NBAS: variants seen among roughly 807,000 people sequenced by gnomAD.
NBAS encodes NAG/BC035112 fusion.
A neutral mutation model predicts 302.5 loss-of-function variants in NBAS; 219 were observed. The observed-to-expected ratio is 0.72, with a 90% CI of 0.65 to 0.81. The LOEUF (loss-of-function observed/expected upper bound fraction) is 0.81, where lower values mean the gene tolerates loss of function less well. NBAS is among the 30% of genes least tolerant of loss of function. The pLI is 0.00. For missense variants in NBAS, 2,932 were observed against 2,841.6 expected, an observed-to-expected ratio of 1.03 and a Z score of -0.72; for synonymous variants, 1,118 against 1,021.6, an observed-to-expected ratio of 1.09 and a Z score of -1.80.
chr2:15,082,597 T>C, the NBAS span, among the ~76,000 whole-genome samples: 1 of 152,122 alleles, frequency 6.6e-6, no homozygotes, highest in Non-Finnish European at 1.5e-5. Flanking sequence ...GCTCCCTCCT[T>C]TACCAGATTC....
the NBAS span, among the ~76,000 whole-genome samples, chr2:14,867,463 A>C: frequency 1.3e-5 from 2 of 152,198 alleles, no homozygotes. Flanking sequence ...AGACCCAGGC[A>C]AGGGCAAACA....
At chr2:15,171,721 A>G (rs1412859062) in intron 51 of NBAS, among the ~76,000 whole-genome samples, 7 of 152,140 alleles carry the variant, frequency 4.6e-5, no homozygotes, top group Non-Finnish European at 2.9e-5. Flanking sequence ...GACTTTATTT[A>G]CAGACAGGGA....
chr2:15,526,806 G>A (rs1053662726), intron 9 of NBAS, among the ~76,000 whole-genome samples: 1 of 151,964 alleles, frequency 6.6e-6, no homozygotes, highest in Non-Finnish European at 1.5e-5. Context: ...AATGGAGACT[G>A]CCCCTCAAAA....
chr2:15,160,155 A>G, the NBAS span, among the ~76,000 whole-genome samples: 1 of 152,148 alleles, frequency 6.6e-6, no homozygotes, highest in African/African-American at 2.4e-5. Context: ...GTTCTGCTTT[A>G]AAAAGATGGC....
At chr2:14,791,438 G>A in the NBAS span, among the ~76,000 whole-genome samples, 53 of 152,280 alleles carry the variant, frequency 3.5e-4, no homozygotes, top group African/African-American at 1.3e-3. Context: ...TTAAGATGAG[G>A]AACAATTGAG....
chr2:15,501,002 CT>C (rs1661517133), intron 11 of NBAS, among the ~76,000 whole-genome samples: 1 of 150,140 alleles, frequency 6.7e-6, no homozygotes, highest in African/African-American at 2.5e-5. Context: ...TTAACATACT[CT>C]TTTAAAAGAT....
the NBAS span, among the ~76,000 whole-genome samples, chr2:15,098,519 T>A: frequency 2.1e-5 from 1 of 48,710 alleles, no homozygotes; most frequent in Non-Finnish European, 3.7e-5. Context: ...ATATATTGTA[T>A]ATATGTTATA....
chr2:15,149,637 C>G, the NBAS span, among the ~76,000 whole-genome samples: 1 of 152,046 alleles, frequency 6.6e-6, no homozygotes, highest in Non-Finnish European at 1.5e-5. Flanking sequence ...AGGCATGTGC[C>G]ACCATGCCTG....
chr2:14,783,970 T>C, the NBAS span, among the ~76,000 whole-genome samples: 1 of 151,974 alleles, frequency 6.6e-6, no homozygotes. Context: ...CTCCACATCC[T>C]CTCCAGCACC....
chr2:15,414,895 A>C (rs1242966013), intron 25 of NBAS, among the ~76,000 whole-genome samples: 3 of 152,214 alleles, frequency 2.0e-5, no homozygotes, highest in Non-Finnish European at 4.4e-5. Flanking sequence ...CAGTGAGCCA[A>C]GATCATGCCA....
At chr2:14,855,987 C>T in the NBAS span, among the ~76,000 whole-genome samples, 8 of 152,258 alleles carry the variant, frequency 5.3e-5, no homozygotes, top group South Asian at 2.1e-4. Context: ...TGCTGGCTTC[C>T]GGCCTGACCC....
the NBAS span, among the ~76,000 whole-genome samples, chr2:14,840,553 A>C: frequency 6.6e-6 from 1 of 152,146 alleles, no homozygotes. Flanking sequence ...ATAACACATA[A>C]AGGAGCTCCA....
chr2:15,316,818 C>G (rs1263448307), intron 38 of NBAS, among the ~76,000 whole-genome samples: 3 of 152,220 alleles, frequency 2.0e-5, no homozygotes, highest in East Asian at 1.9e-4. Context: ...CAAAAGGCAG[C>G]AGACAACTTC....
At chr2:15,160,602 G>GGGGGGGTGGGGGGGGGGGGGGGGGGGTC in the NBAS span, among the ~76,000 whole-genome samples, 1 of 122,496 alleles carries the variant, frequency 8.2e-6, no homozygotes, top group Non-Finnish European at 1.7e-5. Context: ...AGGGGGGGGG[G>GGGGGGGTGGGGGGGGGGGGGGGGGGGTC]CAGGAGGCTG....
chr2:15,439,339 G>A (rs1246480799), intron 21 of NBAS, among the ~76,000 whole-genome samples: 1 of 150,468 alleles, frequency 6.6e-6, no homozygotes, highest in Non-Finnish European at 1.5e-5. Flanking sequence ...TATTACCCCA[G>A]CAGGTGAGCA....
intron 17 of NBAS, 39 bp from the exon 18 acceptor site, chr2:15,467,843 T>C: frequency 1.3e-6 from 2 of 1,488,244 alleles, no homozygotes; most frequent in Non-Finnish European, 1.9e-6. Flanking sequence ...TCATCATTTT[T>C]AAAAACTTCG....
At chr2:15,529,054 A>G (rs535390744) in intron 9 of NBAS, among the ~76,000 whole-genome samples, 60 of 152,114 alleles carry the variant, frequency 3.9e-4, no homozygotes, top group African/African-American at 1.4e-3. Context: ...CATGGAAAGC[A>G]GGCCAGATAA....
At chr2:15,059,895 C>T in the NBAS span, among the ~76,000 whole-genome samples, 1 of 143,076 alleles carries the variant, frequency 7.0e-6, no homozygotes, top group Admixed American at 7.6e-5. Context: ...CACAGGAAAG[C>T]ATGTATTTGT....
At chr2:14,889,747 T>G in the NBAS span, among the ~76,000 whole-genome samples, 2 of 152,222 alleles carry the variant, frequency 1.3e-5, no homozygotes, top group Non-Finnish European at 2.9e-5. Flanking sequence ...TATGGTATAT[T>G]GCCCTTCTGA....
Sources: gnomAD v4.1 joint callset for allele counts (sites outside exome capture counted in the v4.1 genomes callset) on GRCh38, gnomAD v4.1.1 for gene constraint, MANE v1.5 for transcripts, NCBI Gene and HGNC (gene_info 2026-07-23, HGNC 2026-07-21) for gene names.